IGSF9B: variants seen among roughly 807,000 people sequenced by gnomAD.
IGSF9B encodes immunoglobulin superfamily member 9B, also known as protein turtle homolog B.
IGSF9B carries 48 observed loss-of-function variants against 143.7 expected under a neutral mutation model. The ratio of observed to expected loss-of-function variants is 0.33; its 90% CI spans 0.26 to 0.42. The LOEUF (loss-of-function observed/expected upper bound fraction) is 0.42. Among genes scored for constraint, IGSF9B ranks in the 20% least tolerant of loss-of-function variants. The pLI is 1.00. For synonymous variants in IGSF9B, 903 were observed against 833.1 expected (o/e 1.08, Z -1.44); for missense variants, 1,706 against 1,980.0 (o/e 0.86, Z 2.63).
In IGSF9B at chr11:133,921,202, T is replaced by C; in HGVS notation, c.2523A>G (p.Ala841=). 1 of 1,608,698 alleles carries C rather than the reference T, an allele frequency of 6.2e-7. No homozygotes were observed. The highest frequency in any genetic ancestry group is 8.5e-7 in the Non-Finnish European group (1 of 1,177,018). ...TGAGCTCGATGGGCGTGGTGGCCTCTGCCTCGGCCTCTGCCTTGGCCACGC... is the reference window on the plus strand; with the variant it reads ...TGAGCTCGATGGGCGTGGTGGCCTCCGCCTCGGCCTCTGCCTTGGCCACGC... The part of the protein sequence containing the change: ...KYSVAKAEAE[A]EATTPIELIS... The change falls in exon 18 of 20, where the codon GCA becomes GCG. Residue 841 remains alanine, a synonymous_variant. Coordinates refer to ENST00000533871, the MANE Select transcript of IGSF9B (RefSeq NM_001277285.4).
chr11:133,938,130 G>GTCTCCCTGCCA, intron 3 of IGSF9B, 169 bp from the exon 4 acceptor site: 3 of 700,156 alleles, frequency 4.3e-6, no homozygotes, highest in Non-Finnish European at 7.0e-6. Flanking sequence ...TCACTGGCAG[G>GTCTCCCTGCCA]GAGACCTGCA....
In IGSF9B at chr11:133,906,058, G is replaced by A. The variant is rs572720875; in HGVS notation, c.*3011C>T. ...ACAGAAGCAGGTTTACATCTGAGTC[G>A]TGTCTACTGCAAGGCCGCCAGACCG... On this transcript the variant is annotated 3_prime_UTR_variant, in exon 20 of 20. Transcript: ENST00000533871. 6.6e-6 allele frequency among the ~76,000 whole-genome samples: 1 copy of A among 152,334 alleles called. No homozygotes were observed. The highest frequency in any genetic ancestry group is 6.5e-5 in the Admixed American group (1 of 15,310).
At chr11:133,919,439 C>G (rs113081179) in intron 18 of IGSF9B, among the ~76,000 whole-genome samples, 6 of 152,220 alleles carry the variant, frequency 3.9e-5, no homozygotes, top group African/African-American at 1.4e-4. Context: ...GGTCCACCCC[C>G]GCAAGGGCAC....
intron 11 of IGSF9B, 103 bp from the exon 12 acceptor site, chr11:133,929,885 A>G (rs1326839266): frequency 1.4e-6 from 1 of 729,440 alleles, no homozygotes; most frequent in Non-Finnish European, 2.4e-6. Flanking sequence ...AGCGCATGGC[A>G]GCGGAGCACA....
In IGSF9B at chr11:133,931,609, T is replaced by C; in HGVS notation, c.1252-40A>G. On this transcript the variant is annotated intron_variant, in intron 9 of 19. Coordinates refer to ENST00000533871, the MANE Select transcript of IGSF9B (RefSeq NM_001277285.4). The surrounding 1 kb of genome is among the most constrained non-coding windows in gnomAD (Gnocchi z 7.7). Reference sequence around the variant, plus strand: ...ACAGGCACCCTCGTGAGGCCGGGGATCCAGGTGCCCAGCTCATGGAGGCCG... The same window carrying C: ...ACAGGCACCCTCGTGAGGCCGGGGACCCAGGTGCCCAGCTCATGGAGGCCG... 1 of 1,609,220 alleles carries C rather than the reference T, an allele frequency of 6.2e-7. No individual in the cohort carries two copies. The highest frequency in any genetic ancestry group is 8.5e-7 in the Non-Finnish European group (1 of 1,176,848).
At chr11:133,951,864 C>T (rs1940164890) in intron 1 of IGSF9B, 1 of 241,606 alleles carries the variant, frequency 4.1e-6, no homozygotes, top group South Asian at 4.2e-5. Context: ...AAGCCGAAGT[C>T]CCATGTTTAC....
intron 1 of IGSF9B, among the ~76,000 whole-genome samples, chr11:133,951,462 G>T (rs570673879): frequency 6.6e-6 from 1 of 152,260 alleles, no homozygotes; most frequent in African/African-American, 2.4e-5. Context: ...AAGCTCAGCA[G>T]GCTCCTTCCT....
chr11:133,923,488 C>T (rs1022336169), intron 15 of IGSF9B, among the ~76,000 whole-genome samples: 3 of 152,158 alleles, frequency 2.0e-5, no homozygotes, highest in Non-Finnish European at 4.4e-5. Context: ...CTACAGAGCT[C>T]GTTATGACCG....
In IGSF9B at chr11:133,932,283, A is replaced by AGACAGACAGACACAGG. The variant is rs1233951131; in HGVS notation, c.968-86_968-71dup. On this transcript the variant is annotated intron_variant, in intron 7 of 19. Transcript: ENST00000533871. ...GGGACAGACAGACAGACACAGGGAC[A>AGACAGACAGACACAGG]GACAGACAGACACAGGGACAGACAG... 5.5e-6 allele frequency: 8 copies of AGACAGACAGACACAGG among 1,442,754 alleles called. No individual in the cohort carries two copies. The African/African-American group carries it at 6.1e-5, about 11-fold the overall frequency. The allele number at this position is 1,442,754 out of a possible 1,614,324, so 89.4% of individuals were successfully genotyped here. A position where few individuals can be genotyped will look rare whatever the true frequency, so the allele number is the denominator to read the frequency against.
At chr11:133,916,367 C>T (rs560189387) in intron 18 of IGSF9B, among the ~76,000 whole-genome samples, 43 of 152,296 alleles carry the variant, frequency 2.8e-4, no homozygotes, top group African/African-American at 9.9e-4. Context: ...TGAGAACGCA[C>T]GTGGACAAGA....
Position 133,905,571 on chromosome 11 carries a change from G to A in IGSF9B, c.*3498C>T, listed in dbSNP as rs753224533. Among the ~76,000 whole-genome samples, 5 of 152,128 alleles carry A rather than the reference G, an allele frequency of 3.3e-5. No homozygotes were observed. The highest frequency in any genetic ancestry group is 1.9e-4 in the East Asian group (1 of 5,202). ...CATGGAAAAATAACAAGAAATACTCGGCTCAATCCACCCGGCTTCAGTCTT... is the reference window on the plus strand; with the variant it reads ...CATGGAAAAATAACAAGAAATACTCAGCTCAATCCACCCGGCTTCAGTCTT... On this transcript the variant is annotated 3_prime_UTR_variant, in exon 20 of 20. Coordinates refer to ENST00000533871, the MANE Select transcript of IGSF9B (RefSeq NM_001277285.4). This position sits in a 1 kb window ranked among gnomAD's most constrained non-coding sequence, Gnocchi z 4.0.
rs551799099 is a variant in IGSF9B at position 133,952,472 on chromosome 11, G to C, written c.64+4219C>G. On this transcript the variant is annotated intron_variant, in intron 1 of 19. Coordinates refer to ENST00000533871, the MANE Select transcript of IGSF9B (RefSeq NM_001277285.4). ...CTCTCTGCTCTCAGGGCTGCAGCAC[G>C]GAGAGGAGTGGCCCCCACCTCGTGT... Among the ~76,000 whole-genome samples, 98 of 152,292 alleles carry C rather than the reference G, an allele frequency of 6.4e-4. 1 individual carries two copies. The South Asian group carries it at 0.019, about 29-fold the overall frequency.
intron 18 of IGSF9B, among the ~76,000 whole-genome samples, chr11:133,917,037 G>A (rs777358558): frequency 1.3e-5 from 2 of 152,180 alleles, no homozygotes; most frequent in Admixed American, 6.5e-5. Flanking sequence ...CTTTATGGAG[G>A]CCACTCTTAG....
rs771888862 is a variant in IGSF9B, at chr11:133,946,230, C to G, written c.93G>C (p.Glu31Asp). The change falls in exon 2 of 20, where the codon GAG becomes GAC. Residue 31 changes from glutamate (E) to aspartate (D), a missense_variant. Glu to Asp is a conservative substitution (Grantham distance 45). Transcript: ENST00000533871. ...TCTCCCCAGCTCTTGCCGTCACAAACTCGGGCTCCTCTCGCAGGCCGTGGG... is the reference window on the plus strand; with the variant it reads ...TCTCCCCAGCTCTTGCCGTCACAAAGTCGGGCTCCTCTCGCAGGCCGTGGG... ...EGAHGLREEP[E>D]FVTARAGESV... The G allele has an allele frequency of 6.8e-6, 11 of 1,613,606 alleles. No individual in the cohort carries two copies. Among genetic ancestry groups the G allele is most frequent in the Non-Finnish European group, 8.5e-7 (1 of 1,179,848 alleles).
At chr11:133,919,619 G>T (rs1269872693) in intron 18 of IGSF9B, 123 bp downstream of exon 18, 19 of 649,452 alleles carry the variant, frequency 2.9e-5, no homozygotes, top group Non-Finnish European at 4.2e-5. Context: ...TCCGAGGGAC[G>T]CCGGTGCGGC....
chr11:133,942,090 C>G (rs988134420), intron 3 of IGSF9B, among the ~76,000 whole-genome samples: 1 of 152,206 alleles, frequency 6.6e-6, no homozygotes, highest in African/African-American at 2.4e-5. Context: ...CACAAAACTA[C>G]CAAAGTCCTC....
At position 133,925,998 on chromosome 11, in the gene IGSF9B, A is replaced by G. The variant is rs374922431; in HGVS notation, c.1808-33T>C. On this transcript the variant is annotated intron_variant, in intron 13 of 19. Coordinates refer to ENST00000533871, the MANE Select transcript of IGSF9B (RefSeq NM_001277285.4). ...GGGGGAAGGAGAAGAACCACAGCGC[A>G]TCAGCGAGGCCCAGGGCAGCCACCG... is the stretch of plus-strand genomic sequence containing the variant. 8.1e-6 allele frequency: 12 copies of G among 1,483,416 alleles called. No individual in the cohort carries two copies. The African/African-American group carries it at 1.7e-4, about 21-fold the overall frequency. 91.9% of individuals were successfully genotyped at this position (1,483,416 alleles called of 1,614,324 possible).
rs533635614 is a variant in IGSF9B, at chr11:133,904,170, C to T, written c.*4899G>A. On this transcript the variant is annotated 3_prime_UTR_variant, in exon 20 of 20. Transcript: ENST00000533871. ...TCAAGAGGAAAGGGGGATGAAGGCACGTCAGGCTCCAGCTCCCCCTCTCTA... is the reference window on the plus strand; with the variant it reads ...TCAAGAGGAAAGGGGGATGAAGGCATGTCAGGCTCCAGCTCCCCCTCTCTA... 2.6e-5 allele frequency among the ~76,000 whole-genome samples: 4 copies of T among 152,242 alleles called. No homozygotes were observed. In the East Asian group the frequency reaches 5.8e-4, roughly 22 times the overall value.
intron 1 of IGSF9B, among the ~76,000 whole-genome samples, chr11:133,956,325 G>A (rs1295066479): frequency 6.6e-6 from 1 of 152,140 alleles, no homozygotes; most frequent in Non-Finnish European, 1.5e-5. Context: ...CCCGCAGCCA[G>A]AGTTTCCCGC....
Sources: allele counts gnomAD v4.1 joint callset (sites outside exome capture counted in the v4.1 genomes callset), GRCh38; gene constraint gnomAD v4.1.1; non-coding constraint Gnocchi (gnomAD v3.1); transcripts MANE v1.5; gene names NCBI Gene and HGNC (gene_info 2026-07-23, HGNC 2026-07-21).